ATP1A1: variants seen among roughly 807,000 people sequenced by gnomAD.
ATP1A1 encodes ATPase Na+/K+ transporting subunit alpha 1.
ATP1A1 carries 14 observed loss-of-function variants against 114.8 expected under a neutral mutation model. The observed-to-expected ratio is 0.12, with a 90% CI of 0.08 to 0.19. ATP1A1 has a LOEUF of 0.19. Ranked by LOEUF, ATP1A1 falls within the 10% of genes least tolerant of loss-of-function variation. ATP1A1 has a pLI of 1.00. For synonymous variants in ATP1A1, 471 were observed against 466.3 expected, an observed-to-expected ratio of 1.01 and a Z score of -0.13; for missense variants, 524 against 1,290.7, an observed-to-expected ratio of 0.41 and a Z score of 9.10.
intron 18 of ATP1A1, among the ~76,000 whole-genome samples, chr1:116,400,209 T>G (rs1297510319): frequency 2.6e-5 from 4 of 152,202 alleles, no homozygotes; most frequent in Non-Finnish European, 4.4e-5. Flanking sequence ...AAGAACAGAT[T>G]AGATAGAATA....
chr1:116,388,781 T>G lies in ATP1A1; in HGVS notation c.636+9T>G. On this transcript the variant is annotated intron_variant, in intron 6 of 22. Coordinates refer to ENST00000295598, the MANE Select transcript of ATP1A1 (RefSeq NM_000701.8). This position sits in a 1 kb window ranked among gnomAD's most constrained non-coding sequence, Gnocchi z 5.6. ...CTGCAAATGGCTGCAAGGTAGCTCT[T>G]TTATTTTAACAAACCTCATAGCTAG... The G allele has an allele frequency of 1.2e-6, 2 of 1,614,004 alleles. No individual in the cohort carries two copies. The highest frequency in any genetic ancestry group is 1.7e-6 in the Non-Finnish European group (2 of 1,179,904).
Position 116,387,713 on chromosome 1 carries a change from C to A in ATP1A1, c.387+222C>A, listed in dbSNP as rs1652195618. ...GTAGATGCTCTTACAAGTGGGATGC[C>A]CACCTGCATGTGCTGCTGTGAGCAG... On this transcript the variant is annotated intron_variant, in intron 4 of 22. Coordinates refer to ENST00000295598, the MANE Select transcript of ATP1A1 (RefSeq NM_000701.8). The surrounding 1 kb of genome is among the most constrained non-coding windows in gnomAD (Gnocchi z 6.7). Among the ~76,000 whole-genome samples, 1 of 152,226 alleles carries A rather than the reference C, an allele frequency of 6.6e-6. No individual in the cohort carries two copies. The highest frequency in any genetic ancestry group is 2.4e-5 in the African/African-American group (1 of 41,452).
chr1:116,390,989 C>T lies in ATP1A1; in HGVS notation c.1332+98C>T, dbSNP rs1045020734. On this transcript the variant is annotated intron_variant, in intron 10 of 22. Transcript: ENST00000295598. ...CAAATTACCTTTGTGGTCTGTGTGA[C>T]TGTTCACTGTAGAACACCTGGAGTG... is the stretch of plus-strand genomic sequence containing the variant. 7.7e-6 allele frequency: 8 copies of T among 1,041,228 alleles called. No individual in the cohort carries two copies. In the African/African-American group the frequency reaches 7.8e-5, roughly 10 times the overall value. The allele number at this position is 1,041,228 out of a possible 1,614,324, so 64.5% of individuals were successfully genotyped here.
chr1:116,402,655 A>G (rs1653593594), intron 21 of ATP1A1, among the ~76,000 whole-genome samples: 1 of 152,176 alleles, frequency 6.6e-6, no homozygotes, highest in Admixed American at 6.5e-5. Context: ...AGCTCATGTT[A>G]GGTGAATTCG....
At position 116,395,959 on chromosome 1, in the gene ATP1A1, G is replaced by C. The variant is rs1482330452; in HGVS notation, c.1837-639G>C. The stretch of plus-strand genomic sequence containing the variant: ...GTAAAGATAGGGTTTCGCCACGTTG[G>C]CCAGGCTGGTCTCAAACTCCTGACC... On this transcript the variant is annotated intron_variant, in intron 13 of 22. Transcript: ENST00000295598. The surrounding 1 kb of genome is among the most constrained non-coding windows in gnomAD (Gnocchi z 6.4). Among the ~76,000 whole-genome samples, 2 of 152,010 alleles carry C rather than the reference G, an allele frequency of 1.3e-5. No homozygotes were observed. Among genetic ancestry groups the C allele is most frequent in the Non-Finnish European group, 2.9e-5 (2 of 68,022 alleles).
In ATP1A1 at chr1:116,399,258, A is replaced by G; in HGVS notation, c.2449-162A>G. 7.5e-7 allele frequency: 1 copy of G among 1,339,516 alleles called. No homozygotes were observed. Among genetic ancestry groups the G allele is most frequent in the South Asian group, 1.4e-5 (1 of 69,934 alleles). 83.0% of individuals were successfully genotyped at this position (1,339,516 alleles called of 1,614,324 possible). On this transcript the variant is annotated intron_variant, in intron 17 of 22. Transcript: ENST00000295598. This position sits in a 1 kb window ranked among gnomAD's most constrained non-coding sequence, Gnocchi z 5.0. ...CACAGAATCAGTATTACCACTCTTC[A>G]AGGCAGCAGTTAACATTTGTTTATC...
intron 1 of ATP1A1, among the ~76,000 whole-genome samples, chr1:116,376,746 A>G (rs914270654): frequency 1.3e-5 from 2 of 152,158 alleles, no homozygotes; most frequent in African/African-American, 4.8e-5. Context: ...GAAGATGGGG[A>G]GAGAGTGGTA....
Position 116,393,124 on chromosome 1 carries a change from A to G in ATP1A1, c.1467+136A>G. 1 of 1,235,132 alleles carries G rather than the reference A, an allele frequency of 8.1e-7. No homozygotes were observed. Among genetic ancestry groups the G allele is most frequent in the Non-Finnish European group, 1.1e-6 (1 of 900,878 alleles). The allele number at this position is 1,235,132 out of a possible 1,614,324, so 76.5% of individuals were successfully genotyped here. On this transcript the variant is annotated intron_variant, in intron 11 of 22. Transcript: ENST00000295598. The surrounding 1 kb of genome is among the most constrained non-coding windows in gnomAD (Gnocchi z 5.0). ...GCTTTAAATTTTGCCCTTGATTACC[A>G]TAGAATGCCATAATTTAGTTGAATA...
Position 116,404,071 on chromosome 1 carries a change from A to G in ATP1A1, c.3043+96A>G. On this transcript the variant is annotated intron_variant, in intron 22 of 22. Transcript: ENST00000295598. The surrounding 1 kb of genome is among the most constrained non-coding windows in gnomAD (Gnocchi z 4.8). ...TCCCTCAAGGTGTCTAGGCTCCCTCAGTGGTCAGTCTGATTAGCTAAGGTG... is the reference window on the plus strand; with the variant it reads ...TCCCTCAAGGTGTCTAGGCTCCCTCGGTGGTCAGTCTGATTAGCTAAGGTG... 1 of 1,226,406 alleles carries G rather than the reference A, an allele frequency of 8.2e-7. No homozygotes were observed. Among genetic ancestry groups the G allele is most frequent in the East Asian group, 2.3e-5 (1 of 42,894 alleles). 76.0% of individuals were successfully genotyped at this position (1,226,406 alleles called of 1,614,324 possible).
chr1:116,373,464 T>C lies in ATP1A1; in HGVS notation c.-48T>C. 6.7e-7 allele frequency: 1 copy of C among 1,500,856 alleles called. No homozygotes were observed. The highest frequency in any genetic ancestry group is 8.9e-7 in the Non-Finnish European group (1 of 1,124,978). The allele number at this position is 1,500,856 out of a possible 1,614,324, so 93.0% of individuals were successfully genotyped here. Reference sequence around the variant, plus strand: ...GGGAGCTGCTCTGTGCTTTTCTCTCTGATTCTCCAGCGACAGGACCCGGCG... The same window carrying C: ...GGGAGCTGCTCTGTGCTTTTCTCTCCGATTCTCCAGCGACAGGACCCGGCG... On this transcript the variant is annotated 5_prime_UTR_variant, in exon 1 of 23. Coordinates refer to ENST00000295598, the MANE Select transcript of ATP1A1 (RefSeq NM_000701.8).
chr1:116,373,547 A>C (rs1165803801), intron 1 of ATP1A1, 24 bp downstream of exon 1: 1 of 1,443,536 alleles, frequency 6.9e-7, no homozygotes, highest in African/African-American at 1.5e-5. Flanking sequence ...GCGCCCGGGG[A>C]GGGGGCTCGG....
chr1:116,393,813 C>G lies in ATP1A1; in HGVS notation c.1660+90C>G. On this transcript the variant is annotated intron_variant, in intron 12 of 22. Coordinates refer to ENST00000295598, the MANE Select transcript of ATP1A1 (RefSeq NM_000701.8). The surrounding 1 kb of genome is among the most constrained non-coding windows in gnomAD (Gnocchi z 5.0). ...ACAGTTAACAAGTGATCCTATGAAC[C>G]TCTATGTCTTGTTGACCTTCCTCTA... 1.0e-5 allele frequency: 13 copies of G among 1,297,264 alleles called. No homozygotes were observed. Among genetic ancestry groups the G allele is most frequent in the Non-Finnish European group, 1.3e-5 (12 of 956,658 alleles). The allele number at this position is 1,297,264 out of a possible 1,614,324, so 80.4% of individuals were successfully genotyped here.
At position 116,404,173 on chromosome 1, in the gene ATP1A1, T is replaced by TA. The variant is rs1387854754; in HGVS notation, c.3043+199dup. 5.3e-5 allele frequency among the ~76,000 whole-genome samples: 8 copies of TA among 152,252 alleles called. No homozygotes were observed. The highest frequency in any genetic ancestry group is 1.9e-4 in the African/African-American group (8 of 41,472). On this transcript the variant is annotated intron_variant, in intron 22 of 22. Transcript: ENST00000295598. This position sits in a 1 kb window ranked among gnomAD's most constrained non-coding sequence, Gnocchi z 4.8. ...TACAGTTTGAGGACTGGTCATGTTTTAGACTTTAAAATACAAACCAAGTAT... is the reference window on the plus strand; with the variant it reads ...TACAGTTTGAGGACTGGTCATGTTTTAAGACTTTAAAATACAAACCAAGTAT...
chr1:116,403,859 A>AT (rs1183395232), intron 21 of ATP1A1, 25 bp from the exon 22 acceptor site: 1 of 1,578,488 alleles, frequency 6.3e-7, no homozygotes, highest in South Asian at 1.1e-5. Context: ...TGTGCATATA[A>AT]ATTGGTACCT....
intron 1 of ATP1A1, among the ~76,000 whole-genome samples, chr1:116,376,770 A>G (rs1570940159): frequency 6.6e-6 from 1 of 152,322 alleles, no homozygotes; most frequent in South Asian, 2.1e-4. Flanking sequence ...CTGAGAGCCC[A>G]AAAAACAAAC....
At chr1:116,374,653 C>G (rs1329282454) in intron 1 of ATP1A1, among the ~76,000 whole-genome samples, 1 of 152,166 alleles carries the variant, frequency 6.6e-6, no homozygotes, top group Non-Finnish European at 1.5e-5. Context: ...GAGCCAAAGT[C>G]TAGTTGAGAA....
chr1:116,403,849 T>C (rs777390048), intron 21 of ATP1A1, 35 bp from the exon 22 acceptor site: 1 of 1,528,690 alleles, frequency 6.5e-7, no homozygotes, highest in African/African-American at 1.4e-5. Context: ...ACTGTGTTCG[T>C]GTGCATATAA....
At chr1:116,380,850 G>C (rs865782580) in intron 1 of ATP1A1, among the ~76,000 whole-genome samples, 1 of 152,040 alleles carries the variant, frequency 6.6e-6, no homozygotes. Context: ...AAATGATGAC[G>C]CTGTGCTAAG....
chr1:116,374,266 G>A, intron 1 of ATP1A1: 1 of 1,551,738 alleles, frequency 6.4e-7, no homozygotes, highest in East Asian at 2.4e-5. Context: ...GCTTTCTTGG[G>A]CCACTTTCCG....
Sources: gnomAD v4.1 joint callset for allele counts (sites outside exome capture counted in the v4.1 genomes callset) on GRCh38, gnomAD v4.1.1 for gene constraint, Gnocchi (gnomAD v3.1) non-coding constraint, MANE v1.5 for transcripts, NCBI Gene and HGNC (gene_info 2026-07-23, HGNC 2026-07-21) for gene names.